CNBD1: variants seen among roughly 807,000 people sequenced by gnomAD.
The protein encoded by CNBD1 is cyclic nucleotide binding domain containing 1.
Under a neutral mutation model 54.4 loss-of-function variants are expected in CNBD1, and 71 were observed. That is an observed-to-expected ratio of 1.30 (90% CI 1.08 to 1.59). CNBD1 has a LOEUF of 1.59. Among genes scored for constraint, CNBD1 ranks in the 40% most tolerant of loss-of-function variants. CNBD1 has a pLI of 0.00. For missense variants in CNBD1, 659 were observed against 518.0 expected (o/e 1.27, Z -2.64); for synonymous variants, 182 against 170.7 (o/e 1.07, Z -0.51).
chr8:87,019,372 G>A (rs1393152076), intron 4 of CNBD1, among the ~76,000 whole-genome samples: 1 of 152,158 alleles, frequency 6.6e-6, no homozygotes, highest in Non-Finnish European at 1.5e-5. Context: ...AGAAAAAAAT[G>A]ACACTGTAGA....
intron 5 of CNBD1, among the ~76,000 whole-genome samples, chr8:87,212,433 A>C (rs543829301): frequency 6.6e-6 from 1 of 152,290 alleles, no homozygotes; most frequent in Admixed American, 6.5e-5. Flanking sequence ...ATAAAGTTGA[A>C]GGACTCACAC....
Position 87,348,936 on chromosome 8 carries a change from C to T in CNBD1, c.1043-2749C>T, listed in dbSNP as rs183812131. Among the ~76,000 whole-genome samples, 19 of 152,194 alleles carry T rather than the reference C, an allele frequency of 1.2e-4. No homozygotes were observed. The East Asian group carries it at 3.5e-3, about 28-fold the overall frequency. On this transcript the variant is annotated intron_variant, in intron 8 of 10. Coordinates refer to ENST00000518476, the MANE Select transcript of CNBD1 (RefSeq NM_173538.3). ...CTTCTGATATTCTTCTTTTCCTTTG[C>T]CTTAAGATAAAATCAAGTTTGTTCT...
chr8:87,107,377 A>G (rs1207173547), intron 4 of CNBD1, among the ~76,000 whole-genome samples: 1 of 152,140 alleles, frequency 6.6e-6, no homozygotes, highest in Non-Finnish European at 1.5e-5. Flanking sequence ...GAAGCACATT[A>G]ATACTTCAGG....
At chr8:87,064,771 T>G (rs2130644126) in intron 4 of CNBD1, among the ~76,000 whole-genome samples, 1 of 152,064 alleles carries the variant, frequency 6.6e-6, no homozygotes, top group Non-Finnish European at 1.5e-5. Flanking sequence ...CTAGTGTAGG[T>G]GCCATATTAT....
chr8:87,045,823 C>T (rs915939301), intron 4 of CNBD1, among the ~76,000 whole-genome samples: 3 of 151,396 alleles, frequency 2.0e-5, no homozygotes, highest in Non-Finnish European at 4.4e-5. Flanking sequence ...GGGCAGATCA[C>T]GAGGTCAGGA....
rs115885038 is a variant in CNBD1 at position 87,204,007 on chromosome 8, C to G, written c.432-1986C>G. Among the ~76,000 whole-genome samples, 1,293 of 152,288 alleles carry G rather than the reference C, an allele frequency of 8.5e-3. 17 individuals carry two copies. Among genetic ancestry groups the G allele is most frequent in the African/African-American group, 0.03 (1,243 of 41,554 alleles). ...TAGATCTGTTTTTTGGGAGGAACACCTGGCTCCACTACCTGGGAGGTTTTG... is the reference window on the plus strand; with the variant it reads ...TAGATCTGTTTTTTGGGAGGAACACGTGGCTCCACTACCTGGGAGGTTTTG... On this transcript the variant is annotated intron_variant, in intron 4 of 10. Transcript: ENST00000518476.
At position 87,411,793 on chromosome 8, in the gene CNBD1, T is replaced by C. The variant is rs77728606; in HGVS notation, c.214-16753T>C. ...TTTTTTCATTAAGACAACAATAATATTGATATGATAAATGCCATCTTAGTG... is the reference window on the plus strand; with the variant it reads ...TTTTTTCATTAAGACAACAATAATACTGATATGATAAATGCCATCTTAGTG... On this transcript the variant is annotated intron_variant, in intron 2 of 7. Coordinates refer to the CNBD1 transcript ENST00000521593. Among the ~76,000 whole-genome samples the C allele has an allele frequency of 7.4e-3, 1,129 of 151,984 alleles. 15 individuals carry two copies. The highest frequency in any genetic ancestry group is 0.026 in the African/African-American group (1,092 of 41,508).
At chr8:87,105,466 T>C (rs1272362743) in intron 4 of CNBD1, among the ~76,000 whole-genome samples, 1 of 152,206 alleles carries the variant, frequency 6.6e-6, no homozygotes, top group African/African-American at 2.4e-5. Context: ...CATATCTTTG[T>C]CCAAGCTTTG....
rs879808719 is a variant in CNBD1, at chr8:87,276,410, A to T, written c.772-8268A>T. Among the ~76,000 whole-genome samples the T allele has an allele frequency of 2.0e-5, 3 of 151,734 alleles. No homozygotes were observed. In the Admixed American group the frequency reaches 2.0e-4, roughly 10 times the overall value. Reference sequence around the variant, plus strand: ...TTTGGTTTACTTTACCAGAATCTCCACCTTTATGAGAAAAGGCTTGGATGC... The same window carrying T: ...TTTGGTTTACTTTACCAGAATCTCCTCCTTTATGAGAAAAGGCTTGGATGC... On this transcript the variant is annotated intron_variant, in intron 6 of 10. Transcript: ENST00000518476.
At chr8:87,031,187 T>C (rs1385381691) in intron 4 of CNBD1, among the ~76,000 whole-genome samples, 7 of 151,786 alleles carry the variant, frequency 4.6e-5, no homozygotes, top group African/African-American at 1.7e-4. Flanking sequence ...CTATAGTCAG[T>C]CTGAAGTGTC....
At chr8:87,413,933 A>G (rs935386673) in intron 2 of CNBD1, among the ~76,000 whole-genome samples, 2 of 151,580 alleles carry the variant, frequency 1.3e-5, no homozygotes, top group African/African-American at 2.4e-5. Flanking sequence ...GGGACTGTAA[A>G]CTAGTTCAAC....
chr8:87,076,091 T>A (rs1056921798), intron 4 of CNBD1, among the ~76,000 whole-genome samples: 2 of 152,146 alleles, frequency 1.3e-5, no homozygotes, highest in Non-Finnish European at 1.5e-5. Context: ...ATAGTGCAGA[T>A]GGGATAAGAG....
intron 4 of CNBD1, among the ~76,000 whole-genome samples, chr8:86,944,339 C>A (rs911087417): frequency 2.0e-5 from 3 of 152,106 alleles, no homozygotes; most frequent in African/African-American, 7.2e-5. Context: ...AATATCTTTG[C>A]CCTCATGGAG....
Position 87,259,285 on chromosome 8 carries a change from C to T in CNBD1, c.771+22173C>T, listed in dbSNP as rs552514890. Reference sequence around the variant, plus strand: ...TATATGAATTATCTTTTCTTTATAACTTTCTTTGCATAGCAAGGAAGCATG... The same window carrying T: ...TATATGAATTATCTTTTCTTTATAATTTTCTTTGCATAGCAAGGAAGCATG... On this transcript the variant is annotated intron_variant, in intron 6 of 10. Transcript: ENST00000518476. Among the ~76,000 whole-genome samples the T allele has an allele frequency of 1.2e-3, 182 of 152,290 alleles. 1 individual carries two copies. The highest frequency in any genetic ancestry group is 2.2e-3 in the Non-Finnish European group (149 of 68,008).
At chr8:87,198,203 G>T (rs1255618164) in intron 4 of CNBD1, among the ~76,000 whole-genome samples, 1 of 152,142 alleles carries the variant, frequency 6.6e-6, no homozygotes, top group Admixed American at 6.6e-5. Context: ...TGATAGCCTT[G>T]AATCATAGCA....
intron 4 of CNBD1, among the ~76,000 whole-genome samples, chr8:87,123,640 T>C (rs917778321): frequency 2.0e-5 from 3 of 151,506 alleles, no homozygotes; most frequent in African/African-American, 7.3e-5. Flanking sequence ...AGTCCATAAT[T>C]AGCAAAAACA....
intron 4 of CNBD1, among the ~76,000 whole-genome samples, chr8:87,121,260 G>T (rs1230334239): frequency 1.3e-5 from 2 of 151,450 alleles, no homozygotes; most frequent in Non-Finnish European, 3.0e-5. Context: ...AATAAATTTT[G>T]TGCAAATACT....
intron 4 of CNBD1, among the ~76,000 whole-genome samples, chr8:87,035,377 C>T (rs931516814): frequency 1.3e-5 from 2 of 152,012 alleles, no homozygotes; most frequent in Non-Finnish European, 2.9e-5. Context: ...TTTGGAGTCC[C>T]CAGTGATGTT....
At position 87,233,160 on chromosome 8, in the gene CNBD1, ATAACT is replaced by A. The variant is rs1281910232; in HGVS notation, c.578-3756_578-3752del. ...AATAATACGTTTAAAATACATGTAG[ATAACT>A]TAGCATGACAATCTTTGATCTGGAC... On this transcript the variant is annotated intron_variant, in intron 5 of 10. Coordinates refer to ENST00000518476, the MANE Select transcript of CNBD1 (RefSeq NM_173538.3). Among the ~76,000 whole-genome samples, 5 of 152,324 alleles carry A rather than the reference ATAACT, an allele frequency of 3.3e-5. 1 individual carries two copies. Among genetic ancestry groups the A allele is most frequent in the East Asian group, 3.9e-4 (2 of 5,180 alleles).
Sources: allele counts gnomAD v4.1 joint callset (sites outside exome capture counted in the v4.1 genomes callset), GRCh38; gene constraint gnomAD v4.1.1; transcripts MANE v1.5; gene names NCBI Gene and HGNC (gene_info 2026-07-23, HGNC 2026-07-21).